KIAA0825: variants seen among roughly 807,000 people sequenced by gnomAD.
KIAA0825 encodes uncharacterized protein KIAA0825.
KIAA0825 carries 119 observed loss-of-function variants against 147.6 expected under a neutral mutation model. That is an observed-to-expected ratio of 0.81 (90% CI 0.69 to 0.94). KIAA0825 has a LOEUF of 0.94. Ranked by LOEUF, KIAA0825 falls within the 40% of genes least tolerant of loss-of-function variation. KIAA0825 has a pLI of 0.00. For missense variants in KIAA0825, 1,381 were observed against 1,472.7 expected, an observed-to-expected ratio of 0.94 and a Z score of 1.02; for synonymous variants, 470 against 518.1, an observed-to-expected ratio of 0.91 and a Z score of 1.26.
intron 20 of KIAA0825, among the ~76,000 whole-genome samples, chr5:94,256,652 T>A (rs1776267666): frequency 6.6e-6 from 1 of 152,148 alleles, no homozygotes; most frequent in Non-Finnish European, 1.5e-5. Flanking sequence ...ATAATTTGCC[T>A]TCTTCAACAT....
intron 20 of KIAA0825, among the ~76,000 whole-genome samples, chr5:94,317,996 A>C (rs2150231837): frequency 6.6e-6 from 1 of 151,850 alleles, no homozygotes; most frequent in Admixed American, 6.6e-5. Context: ...ATTTAACTTA[A>C]AAAAACAAAT....
intron 20 of KIAA0825, among the ~76,000 whole-genome samples, chr5:94,304,845 G>A (rs753945572): frequency 6.6e-5 from 10 of 151,958 alleles, no homozygotes; most frequent in Non-Finnish European, 1.3e-4. Flanking sequence ...GACAAAATAT[G>A]GTTCATAAAC....
At chr5:94,290,659 T>C (rs1356956506) in intron 20 of KIAA0825, among the ~76,000 whole-genome samples, 1 of 152,222 alleles carries the variant, frequency 6.6e-6, no homozygotes, top group Non-Finnish European at 1.5e-5. Context: ...AGTAATGGAA[T>C]TGCTGGGTCA....
At chr5:94,328,116 T>G (rs1485045329) in intron 20 of KIAA0825, among the ~76,000 whole-genome samples, 1 of 152,202 alleles carries the variant, frequency 6.6e-6, no homozygotes, top group Admixed American at 6.6e-5. Flanking sequence ...GTCATTGTAA[T>G]AGATAATAGA....
chr5:94,569,007 C>T (rs76923788), intron 2 of KIAA0825: 1 of 168,616 alleles, frequency 5.9e-6, no homozygotes. Flanking sequence ...CAGTAACTAC[C>T]ACCAATCAAT....
chr5:94,317,724 T>C (rs1265786322), intron 20 of KIAA0825, among the ~76,000 whole-genome samples: 3 of 151,856 alleles, frequency 2.0e-5, no homozygotes, highest in Non-Finnish European at 4.4e-5. Flanking sequence ...CGTCCTACAG[T>C]TATTGTGCAG....
intron 20 of KIAA0825, among the ~76,000 whole-genome samples, chr5:94,383,421 C>A (rs1308195057): frequency 6.6e-6 from 1 of 151,996 alleles, no homozygotes; most frequent in African/African-American, 2.4e-5. Context: ...TTTGACAATT[C>A]TACTATGTTA....
chr5:94,397,172 C>A (rs1420809954), intron 16 of KIAA0825, among the ~76,000 whole-genome samples: 1 of 152,142 alleles, frequency 6.6e-6, no homozygotes, highest in East Asian at 1.9e-4. Context: ...AAGGCATTCC[C>A]GTATCCCTAG....
intron 2 of KIAA0825, among the ~76,000 whole-genome samples, chr5:94,551,350 G>C (rs543085555): frequency 3.3e-5 from 5 of 152,108 alleles, no homozygotes; most frequent in Middle Eastern, 6.8e-3. Flanking sequence ...TGAACATCCA[G>C]ATCCAGGAAG....
At chr5:94,291,442 C>T (rs766882233) in intron 20 of KIAA0825, among the ~76,000 whole-genome samples, 1 of 152,132 alleles carries the variant, frequency 6.6e-6, no homozygotes, top group Non-Finnish European at 1.5e-5. Flanking sequence ...GACATTATTT[C>T]TGAGGCTCTG....
At chr5:94,355,949 A>C (rs1293442540) in intron 20 of KIAA0825, among the ~76,000 whole-genome samples, 1 of 152,210 alleles carries the variant, frequency 6.6e-6, no homozygotes, top group East Asian at 1.9e-4. Flanking sequence ...ACTTTAACTC[A>C]GTGCTTCTCA....
At chr5:94,439,466 C>T (rs1293866950) in intron 14 of KIAA0825, among the ~76,000 whole-genome samples, 2 of 152,138 alleles carry the variant, frequency 1.3e-5, no homozygotes, top group African/African-American at 2.4e-5. Flanking sequence ...TACTACTCCT[C>T]GATTTCCATT....
intron 7 of KIAA0825, among the ~76,000 whole-genome samples, chr5:94,475,446 A>G (rs565508036): frequency 8.5e-5 from 13 of 152,354 alleles, no homozygotes; most frequent in African/African-American, 2.9e-4. Context: ...TGTAATTATA[A>G]TATGTTGGCC....
intron 20 of KIAA0825, among the ~76,000 whole-genome samples, chr5:94,264,941 C>T (rs1289180528): frequency 1.3e-5 from 2 of 151,950 alleles, no homozygotes; most frequent in Admixed American, 1.3e-4. Context: ...TACCACCATG[C>T]CTGGCTAATT....
chr5:94,390,374 A>C (rs1749737955), intron 18 of KIAA0825, among the ~76,000 whole-genome samples: 1 of 152,178 alleles, frequency 6.6e-6, no homozygotes, highest in African/African-American at 2.4e-5. Context: ...TGCACATACC[A>C]ATGAGGAGCA....
At chr5:94,228,232 G>A (rs1774381419) in intron 20 of KIAA0825, among the ~76,000 whole-genome samples, 1 of 151,994 alleles carries the variant, frequency 6.6e-6, no homozygotes, top group African/African-American at 2.4e-5. Flanking sequence ...CATACACATA[G>A]CTTTAAAAGC....
chr5:94,200,282 C>G (rs1249258220), intron 20 of KIAA0825, among the ~76,000 whole-genome samples: 1 of 152,154 alleles, frequency 6.6e-6, no homozygotes, highest in Non-Finnish European at 1.5e-5. Flanking sequence ...TTACTCACCC[C>G]TTTCCTAGGA....
At chr5:94,444,866 G>A (rs997664513) in intron 13 of KIAA0825, among the ~76,000 whole-genome samples, 2 of 152,102 alleles carry the variant, frequency 1.3e-5, no homozygotes, top group Non-Finnish European at 2.9e-5. Context: ...ATGACCCCAT[G>A]TATTAATCCG....
chr5:94,457,570 G>A (rs1290413539), intron 12 of KIAA0825, among the ~76,000 whole-genome samples: 2 of 152,142 alleles, frequency 1.3e-5, no homozygotes, highest in African/African-American at 4.8e-5. Flanking sequence ...CCTCTGTGCC[G>A]ACCACGCCAG....
Sources: allele counts gnomAD v4.1 joint callset (sites outside exome capture counted in the v4.1 genomes callset), GRCh38; gene constraint gnomAD v4.1.1; transcripts MANE v1.5; gene names NCBI Gene and HGNC (gene_info 2026-07-23, HGNC 2026-07-21).